Variants in MRTFA observed in about 807,000 individuals in gnomAD.
The protein encoded by MRTFA is myocardin related transcription factor A, also known as myocardin-related transcription factor A.
MRTFA carries 20 observed loss-of-function variants against 83.5 expected under a neutral mutation model. The observed-to-expected ratio is 0.24, with a 90% CI of 0.17 to 0.35. MRTFA has a LOEUF of 0.35. Among genes scored for constraint, MRTFA ranks in the 10% least tolerant of loss-of-function variants. The pLI, the probability that MRTFA is intolerant of heterozygous loss-of-function variation, is 1.00. For synonymous variants in MRTFA, 659 were observed against 541.2 expected (o/e 1.22, Z -3.02); for missense variants, 1,200 against 1,224.7 (o/e 0.98, Z 0.30).
rs2055120547 is a variant in MRTFA at position 40,533,673 on chromosome 22, T to C, written c.241+18433A>G. On this transcript the variant is annotated intron_variant, in intron 3 of 14. Transcript: ENST00000355630. ...CAGAAACAAAAATCCACAAATATAA[T>C]GAAGAAAGTCAAAGTCACAGGAGAA... 2.5e-6 allele frequency: 3 copies of C among 1,191,442 alleles called. No individual in the cohort carries two copies. In the African/African-American group the frequency reaches 4.7e-5, roughly 19 times the overall value. The allele number at this position is 1,191,442 out of a possible 1,614,324, so 73.8% of individuals were successfully genotyped here.
At chr22:40,539,263 G>C (rs5757997) in intron 3 of MRTFA, among the ~76,000 whole-genome samples, 12 of 151,592 alleles carry the variant, frequency 7.9e-5, no homozygotes, top group Non-Finnish European at 1.2e-4. Context: ...GCCTCCCAAC[G>C]TGTTGGGAAT....
chr22:40,545,605 G>T (rs1232158350), intron 3 of MRTFA, among the ~76,000 whole-genome samples: 1 of 147,700 alleles, frequency 6.8e-6, no homozygotes, highest in Non-Finnish European at 1.5e-5. Flanking sequence ...GCTAATCTTT[G>T]TATTTTTATT....
intron 3 of MRTFA, among the ~76,000 whole-genome samples, chr22:40,505,595 T>C (rs1344894671): frequency 6.6e-6 from 1 of 152,184 alleles, no homozygotes; most frequent in Non-Finnish European, 1.5e-5. Context: ...CGTGATAGTA[T>C]TAGGAGGTGA....
chr22:40,556,793 C>A (rs1484291501), intron 2 of MRTFA, among the ~76,000 whole-genome samples: 1 of 152,156 alleles, frequency 6.6e-6, no homozygotes, highest in African/African-American at 2.4e-5. Context: ...GCTGAGTATT[C>A]TTTGTCATTG....
intron 3 of MRTFA, among the ~76,000 whole-genome samples, chr22:40,484,942 G>A (rs112476771): frequency 4.6e-5 from 7 of 152,120 alleles, no homozygotes; most frequent in African/African-American, 1.4e-4. Context: ...ATGGTGGCAC[G>A]TGCCTGTAAA....
At chr22:40,608,038 T>C (rs915179094) in intron 1 of MRTFA, among the ~76,000 whole-genome samples, 4 of 152,202 alleles carry the variant, frequency 2.6e-5, no homozygotes, top group Admixed American at 2.0e-4. Flanking sequence ...TTTGTTTTTT[T>C]CTTTGAGACG....
intron 3 of MRTFA, among the ~76,000 whole-genome samples, chr22:40,550,341 GA>G (rs1254117690): frequency 6.6e-6 from 1 of 151,870 alleles, no homozygotes; most frequent in Non-Finnish European, 1.5e-5. Context: ...CTTTGAAAAA[GA>G]AAAAGGTAAG....
At chr22:40,605,715 C>A (rs1237938503) in intron 1 of MRTFA, among the ~76,000 whole-genome samples, 1 of 152,094 alleles carries the variant, frequency 6.6e-6, no homozygotes, top group Admixed American at 6.5e-5. Flanking sequence ...GGAAAATCAT[C>A]TCTATATTCC....
At chr22:40,557,934 C>T (rs1307387470) in intron 2 of MRTFA, among the ~76,000 whole-genome samples, 3 of 152,036 alleles carry the variant, frequency 2.0e-5, no homozygotes, top group Non-Finnish European at 2.9e-5. Flanking sequence ...CCACCAGGCC[C>T]GGCTAATTTT....
intron 1 of MRTFA, among the ~76,000 whole-genome samples, chr22:40,596,197 G>C (rs1306904256): frequency 6.6e-6 from 1 of 151,958 alleles, no homozygotes; most frequent in Non-Finnish European, 1.5e-5. Context: ...AAAAAAAATA[G>C]CCTCTGTTGT....
intron 4 of MRTFA, among the ~76,000 whole-genome samples, chr22:40,450,100 T>A (rs2053458795): frequency 6.6e-6 from 1 of 152,226 alleles, no homozygotes; most frequent in African/African-American, 2.4e-5. Context: ...GGATTTTTCT[T>A]AGGATTCCAT....
At chr22:40,605,876 G>A (rs1401066899) in intron 1 of MRTFA, among the ~76,000 whole-genome samples, 1 of 152,102 alleles carries the variant, frequency 6.6e-6, no homozygotes, top group Admixed American at 6.5e-5. Flanking sequence ...CATGCCTGGT[G>A]GTTAGCATTC....
chr22:40,446,646 TA>T (rs2053383530), intron 4 of MRTFA, among the ~76,000 whole-genome samples: 1 of 152,182 alleles, frequency 6.6e-6, no homozygotes. Flanking sequence ...ATAAGGCTTA[TA>T]AAGTTTCCAG....
chr22:40,526,061 G>C lies in MRTFA; in HGVS notation c.241+26045C>G, dbSNP rs146762640. Among the ~76,000 whole-genome samples the C allele has an allele frequency of 9.2e-5, 14 of 151,734 alleles. No homozygotes were observed. The East Asian group carries it at 2.7e-3, about 29-fold the overall frequency. ...GACATGGTCTTGCTCTGTCACCCAG[G>C]CTGGAGTGCAGTGGCACAGTCATAG... On this transcript the variant is annotated intron_variant, in intron 3 of 14. Transcript: ENST00000355630.
chr22:40,494,253 A>G (rs534201921), intron 3 of MRTFA, among the ~76,000 whole-genome samples: 200 of 152,296 alleles, frequency 1.3e-3, no homozygotes, highest in African/African-American at 3.5e-3. Flanking sequence ...GGGAGATATT[A>G]TTATTTTATA....
At chr22:40,562,941 T>A (rs1329376154) in intron 2 of MRTFA, among the ~76,000 whole-genome samples, 2 of 152,208 alleles carry the variant, frequency 1.3e-5, no homozygotes, top group South Asian at 4.1e-4. Flanking sequence ...AAATAGCCAA[T>A]GGCAAAAAAT....
chr22:40,521,237 C>A (rs1438490299), intron 3 of MRTFA, among the ~76,000 whole-genome samples: 1 of 152,078 alleles, frequency 6.6e-6, no homozygotes, highest in African/African-American at 2.4e-5. Context: ...TCATGTTGAC[C>A]TTTTATAGCC....
intron 1 of MRTFA, among the ~76,000 whole-genome samples, chr22:40,610,300 G>A (rs1007452707): frequency 1.3e-5 from 2 of 151,906 alleles, no homozygotes; most frequent in African/African-American, 4.8e-5. Context: ...CACCAGCCTC[G>A]GCCTCCCAAA....
intron 3 of MRTFA, among the ~76,000 whole-genome samples, chr22:40,502,764 C>A (rs1034607316): frequency 6.6e-6 from 1 of 152,052 alleles, no homozygotes; most frequent in African/African-American, 2.4e-5. Flanking sequence ...GCCTCCCGGG[C>A]GGCGCTCGCC....
Sources: allele counts gnomAD v4.1 joint callset (sites outside exome capture counted in the v4.1 genomes callset), GRCh38; gene constraint gnomAD v4.1.1; transcripts MANE v1.5; gene names NCBI Gene and HGNC (gene_info 2026-07-23, HGNC 2026-07-21).